The following FRMD3 variants were observed in gnomAD, a reference collection of about 807,000 sequenced individuals.
FRMD3 encodes the protein FERM domain-containing protein 3.
FRMD3 carries 33 observed loss-of-function variants against 70.2 expected under a neutral mutation model. The observed-to-expected ratio is 0.47, with a 90% CI of 0.36 to 0.63. FRMD3 has a LOEUF of 0.63. Ranked by LOEUF, FRMD3 falls within the 20% of genes least tolerant of loss-of-function variation. The probability of loss-of-function intolerance (pLI) is 0.00; values close to 1 mark genes in which losing one functional copy is unlikely to be tolerated. For synonymous variants in FRMD3, 279 were observed against 255.9 expected (o/e 1.09, Z -0.86); for missense variants, 632 against 711.4 (o/e 0.89, Z 1.27).
intron 3 of FRMD3, among the ~76,000 whole-genome samples, chr9:83,366,687 T>A (rs748511336): frequency 6.6e-6 from 1 of 152,228 alleles, no homozygotes; most frequent in Non-Finnish European, 1.5e-5. Flanking sequence ...AATTCAGTCA[T>A]AGGAAAATAA....
At chr9:83,292,812 T>A (rs1346774416) in intron 12 of FRMD3, among the ~76,000 whole-genome samples, 1 of 152,086 alleles carries the variant, frequency 6.6e-6, no homozygotes, top group Non-Finnish European at 1.5e-5. Context: ...CATGCCCAGC[T>A]AATTTTTGTA....
At chr9:83,493,640 C>G (rs1761765580) in intron 1 of FRMD3, among the ~76,000 whole-genome samples, 1 of 152,204 alleles carries the variant, frequency 6.6e-6, no homozygotes, top group Admixed American at 6.5e-5. Flanking sequence ...CTTCTCAGAG[C>G]CTTTAAGATG....
chr9:83,368,231 T>C lies in FRMD3; in HGVS notation c.295+4682A>G, dbSNP rs144191841. On this transcript the variant is annotated intron_variant, in intron 3 of 13. Coordinates refer to ENST00000304195, the MANE Select transcript of FRMD3 (RefSeq NM_174938.6). ...CCAGGACACTGTTCAGCATCCTGTCTATGTTTGTGGTCATGAAAATCTATA... is the reference window on the plus strand; with the variant it reads ...CCAGGACACTGTTCAGCATCCTGTCCATGTTTGTGGTCATGAAAATCTATA... Among the ~76,000 whole-genome samples, 3 of 152,348 alleles carry C rather than the reference T, an allele frequency of 2.0e-5. No homozygotes were observed. The East Asian group carries it at 5.8e-4, about 29-fold the overall frequency.
chr9:83,419,178 T>G (rs1184809294), intron 1 of FRMD3, among the ~76,000 whole-genome samples: 2 of 152,064 alleles, frequency 1.3e-5, no homozygotes, highest in Non-Finnish European at 2.9e-5. Context: ...AACTACATAT[T>G]GGTACAATGT....
chr9:83,512,750 A>G (rs1037604311), intron 1 of FRMD3, among the ~76,000 whole-genome samples: 2 of 152,034 alleles, frequency 1.3e-5, no homozygotes, highest in African/African-American at 4.8e-5. Context: ...GAAAGTCACT[A>G]TTTCCTGGGA....
chr9:83,438,413 T>TTTTTG (rs1554705415), intron 1 of FRMD3, among the ~76,000 whole-genome samples: 3 of 151,126 alleles, frequency 2.0e-5, no homozygotes, highest in Non-Finnish European at 4.4e-5. Flanking sequence ...GAGAGTTTTT[T>TTTTTG]TTTTGTTTTG....
At position 83,538,400 on chromosome 9, in the gene FRMD3, G is replaced by GCGGGCGGGTCCCTCCCTCTGTTCGCT; in HGVS notation, c.-170_-169insAGCGAACAGAGGGAGGGACCCGCCCG. 1 of 475,314 alleles carries GCGGGCGGGTCCCTCCCTCTGTTCGCT rather than the reference G, an allele frequency of 2.1e-6. No individual in the cohort carries two copies. Among genetic ancestry groups the GCGGGCGGGTCCCTCCCTCTGTTCGCT allele is most frequent in the Non-Finnish European group, 3.3e-6 (1 of 299,626 alleles). The allele number at this position is 475,314 out of a possible 1,614,324, so 29.4% of individuals were successfully genotyped here. ...ACACATGCCCAGCGGCCGGGGCGCG[G>GCGGGCGGGTCCCTCCCTCTGTTCGCT]CGGGCGGGTCCCTCCCTCTGTTCGC... On this transcript the variant is annotated 5_prime_UTR_variant, in exon 1 of 14. Transcript: ENST00000304195. The surrounding 1 kb of genome is among the most constrained non-coding windows in gnomAD (Gnocchi z 4.7).
intron 1 of FRMD3, among the ~76,000 whole-genome samples, chr9:83,527,324 A>G (rs1829705553): frequency 6.6e-6 from 1 of 152,216 alleles, no homozygotes; most frequent in Non-Finnish European, 1.5e-5. Flanking sequence ...ACAAATAGTC[A>G]AACAGAATCA....
intron 1 of FRMD3, among the ~76,000 whole-genome samples, chr9:83,399,694 T>C (rs1047319043): frequency 4.6e-5 from 7 of 152,220 alleles, no homozygotes. Context: ...AGAGTAAATA[T>C]TTAAACCTGG....
At chr9:83,378,476 TTATATATATAATATA>T in intron 2 of FRMD3, among the ~76,000 whole-genome samples, 1 of 91,634 alleles carries the variant, frequency 1.1e-5, no homozygotes, top group East Asian at 2.5e-4. Flanking sequence ...CATATAAAAT[TTATATATATAATATA>T]CATATAAAAT....
intron 10 of FRMD3, among the ~76,000 whole-genome samples, chr9:83,305,148 G>A (rs1339814861): frequency 6.6e-6 from 1 of 152,210 alleles, no homozygotes; most frequent in Non-Finnish European, 1.5e-5. Flanking sequence ...CCATTAAAAT[G>A]CAGGGCCAGC....
chr9:83,505,688 C>T (rs1829166498), intron 1 of FRMD3, among the ~76,000 whole-genome samples: 1 of 152,188 alleles, frequency 6.6e-6, no homozygotes. Flanking sequence ...GCTGCCTGAG[C>T]ACTTCATGAA....
intron 2 of FRMD3, among the ~76,000 whole-genome samples, chr9:83,379,871 A>G (rs952569485): frequency 6.6e-5 from 10 of 152,158 alleles, no homozygotes; most frequent in Admixed American, 5.9e-4. Flanking sequence ...GCCTACACTG[A>G]TTCCAGAACT....
At chr9:83,333,968 TAGTA>T (rs1823486669) in intron 6 of FRMD3, among the ~76,000 whole-genome samples, 1 of 152,194 alleles carries the variant, frequency 6.6e-6, no homozygotes, top group African/African-American at 2.4e-5. Context: ...TTTTGGCATC[TAGTA>T]AGTAAATGCT....
chr9:83,358,890 T>C (rs1212387364), intron 3 of FRMD3, among the ~76,000 whole-genome samples: 1 of 152,132 alleles, frequency 6.6e-6, no homozygotes, highest in African/African-American at 2.4e-5. Context: ...AAAATGACGC[T>C]TGAGCACCTA....
At chr9:83,260,676 T>C (rs766344778) in intron 13 of FRMD3, among the ~76,000 whole-genome samples, 31 of 152,128 alleles carry the variant, frequency 2.0e-4, no homozygotes, top group Non-Finnish European at 3.7e-4. Context: ...CAAAAACCAC[T>C]GGCTGTTGCG....
intron 3 of FRMD3, chr9:83,351,000 A>G (rs1226743323): frequency 2.1e-6 from 2 of 972,570 alleles, no homozygotes; most frequent in African/African-American, 3.5e-5. Flanking sequence ...CATACCACTC[A>G]TTTGCTTCTG....
Position 83,245,671 on chromosome 9 carries a change from T to C in FRMD3, c.*2247A>G, listed in dbSNP as rs1007534250. 48 of 884,950 alleles carry C rather than the reference T, an allele frequency of 5.4e-5. No individual in the cohort carries two copies. The highest frequency in any genetic ancestry group is 4.2e-5 in the Non-Finnish European group (31 of 738,624). 54.8% of individuals were successfully genotyped at this position (884,950 alleles called of 1,614,324 possible). A position where few individuals can be genotyped will look rare whatever the true frequency, so the allele number is the denominator to read the frequency against. ...CCATAATTTAAAAAATATTATATAA[T>C]ATTATTTTGAAAGACTGAGGGCCAG... On this transcript the variant is annotated 3_prime_UTR_variant, in exon 14 of 14. Coordinates refer to ENST00000304195, the MANE Select transcript of FRMD3 (RefSeq NM_174938.6).
the FRMD3 span, among the ~76,000 whole-genome samples, chr9:83,585,362 A>G: frequency 6.6e-6 from 1 of 152,236 alleles, no homozygotes; most frequent in Non-Finnish European, 1.5e-5. Flanking sequence ...TATATAATGC[A>G]GTAATAGAAA....
Sources: gnomAD v4.1 joint callset for allele counts (sites outside exome capture counted in the v4.1 genomes callset) on GRCh38, gnomAD v4.1.1 for gene constraint, Gnocchi (gnomAD v3.1) non-coding constraint, MANE v1.5 for transcripts, NCBI Gene and HGNC (gene_info 2026-07-23, HGNC 2026-07-21) for gene names.